Variants in NUP42 observed in about 807,000 individuals in gnomAD.
The protein encoded by NUP42 is nucleoporin NUP42.
NUP42 carries 47 observed loss-of-function variants against 35.9 expected under a neutral mutation model. The ratio of observed to expected loss-of-function variants is 1.31; its 90% CI spans 1.04 to 1.67. The LOEUF (loss-of-function observed/expected upper bound fraction) is 1.67, where lower values mean the gene tolerates loss of function less well. NUP42 is among the 40% of genes most tolerant of loss of function. NUP42 has a pLI of 0.00. For synonymous variants in NUP42, 173 were observed against 173.3 expected, an observed-to-expected ratio of 1.00 and a Z score of 0.01; for missense variants, 514 against 492.2, an observed-to-expected ratio of 1.04 and a Z score of -0.42.
In NUP42 at chr7:23,195,917, T is replaced by G. The variant is rs1785996672; in HGVS notation, c.522+2T>G. 1 of 1,561,320 alleles carries G rather than the reference T, an allele frequency of 6.4e-7. No homozygotes were observed. The highest frequency in any genetic ancestry group is 1.7e-4 in the Middle Eastern group (1 of 5,962). On this transcript the variant is annotated splice_donor_variant, in intron 4 of 6. Coordinates refer to ENST00000258742, the MANE Select transcript of NUP42 (RefSeq NM_007342.3). LOFTEE classifies it high-confidence loss of function. The stretch of plus-strand genomic sequence containing the variant: ...ACCAGCAATAACTTACAGAGTTATG[T>G]AAGTTTGTTTCCTATTAATCTACTG...
At chr7:23,182,742 C>CA (rs60397960) in intron 1 of NUP42, among the ~76,000 whole-genome samples, 8,257 of 74,082 alleles carry the variant, frequency 0.11, 620 homozygotes, top group African/African-American at 0.21. Context: ...CTAAAAATAC[C>CA]AAAAAAAAAA....
At position 23,185,077 on chromosome 7, in the gene NUP42, T is replaced by C; in HGVS notation, c.129T>C (p.Asn43=). 1 of 1,610,054 alleles carries C rather than the reference T, an allele frequency of 6.2e-7. No individual in the cohort carries two copies. The highest frequency in any genetic ancestry group is 8.5e-7 in the Non-Finnish European group (1 of 1,178,588). Reference sequence around the variant, plus strand: ...TTTTATTGTTTATTTTAGGTAATAATAGACGTGGATGGAATACAACTAGCC... The same window carrying C: ...TTTTATTGTTTATTTTAGGTAATAACAGACGTGGATGGAATACAACTAGCC... ...QQPQQQPSGN[N]RRGWNTTSQR... is the part of the protein sequence containing the mutation. The change falls in exon 2 of 7, where the codon AAT becomes AAC. Residue 43 remains asparagine (N), a synonymous_variant. Transcript: ENST00000258742.
chr7:23,188,080 A>G (rs1348723349), intron 3 of NUP42: 3 of 1,439,224 alleles, frequency 2.1e-6, no homozygotes, highest in Admixed American at 2.7e-5. Context: ...GGCTTTCCCA[A>G]GCCCACTCTG....
chr7:23,200,548 C>T lies in NUP42; in HGVS notation c.1075C>T (p.Pro359Ser). Reference protein sequence around the residue: ...GSHSHTAFSKPSSDTFGNSSI... With the variant: ...GSHSHTAFSKSSSDTFGNSSI... The stretch of plus-strand genomic sequence containing the variant: ...ACATTCTCACACTGCTTTTTCTAAG[C>T]CATCCAGTGACACTTTTGGAAATAG... The change falls in exon 7 of 7, where the codon CCA becomes TCA. Residue 359 changes from proline (P) to serine (S), a missense_variant. Physicochemically the swap from Pro to Ser is moderately conservative, Grantham distance 74. Transcript: ENST00000258742. The T allele has an allele frequency of 1.2e-6, 2 of 1,614,048 alleles. No individual in the cohort carries two copies. Among genetic ancestry groups the T allele is most frequent in the Non-Finnish European group, 1.7e-6 (2 of 1,179,976 alleles).
chr7:23,192,890 C>T (rs1291734474), intron 3 of NUP42, among the ~76,000 whole-genome samples: 1 of 152,224 alleles, frequency 6.6e-6, no homozygotes, highest in Non-Finnish European at 1.5e-5. Flanking sequence ...GTCTCACTGA[C>T]TTCAAGAATG....
chr7:23,196,849 C>A, intron 5 of NUP42, 83 bp downstream of exon 5: 3 of 943,560 alleles, frequency 3.2e-6, no homozygotes, highest in Non-Finnish European at 4.9e-6. Context: ...ATTTGGAAAG[C>A]AAAACAAAAA....
chr7:23,182,489 G>A (rs1785442352), intron 1 of NUP42: 5 of 1,198,102 alleles, frequency 4.2e-6, no homozygotes, highest in Non-Finnish European at 5.2e-6. Context: ...CTACCTTGTA[G>A]GTAAATGCCG....
chr7:23,182,547 G>A, intron 1 of NUP42: 1 of 1,029,510 alleles, frequency 9.7e-7, no homozygotes, highest in Admixed American at 4.8e-5. Context: ...GGTGAGGCTA[G>A]CAGCTTGGGT....
In NUP42 at chr7:23,200,298, C is replaced by T. The variant is rs1314308917; in HGVS notation, c.825C>T (p.Ala275=). Residue 275 remains alanine (A), a synonymous_variant, in exon 7 of 7, where the codon GCC becomes GCT. Transcript: ENST00000258742. ...FGSSPAFGAA[A]STSSGISTSA... ...GTTCCCCAGCATTTGGAGCTGCAGC[C>T]TCTACCAGTTCAGGTATCTCTACTT... is the stretch of plus-strand genomic sequence containing the variant. The T allele has an allele frequency of 1.2e-6, 2 of 1,603,096 alleles. No homozygotes were observed. The highest frequency in any genetic ancestry group is 1.3e-5 in the African/African-American group (1 of 74,916).
At chr7:23,187,727 C>T (rs1583761942) in intron 3 of NUP42, among the ~76,000 whole-genome samples, 1 of 151,492 alleles carries the variant, frequency 6.6e-6, no homozygotes, top group Non-Finnish European at 1.5e-5. Context: ...CTGCCTCAGC[C>T]TCCCGAGTAG....
At chr7:23,186,664 G>A (rs1046154536) in intron 2 of NUP42, among the ~76,000 whole-genome samples, 4 of 152,066 alleles carry the variant, frequency 2.6e-5, no homozygotes, top group Non-Finnish European at 5.9e-5. Flanking sequence ...ATTAAAGTTA[G>A]TATTTTAGAT....
chr7:23,183,044 G>A (rs993490155), intron 1 of NUP42, among the ~76,000 whole-genome samples: 2 of 152,118 alleles, frequency 1.3e-5, no homozygotes, highest in Admixed American at 6.5e-5. Flanking sequence ...AGGGCTATCC[G>A]GGAGGTGAGG....
At chr7:23,185,659 T>C (rs1785566758) in intron 2 of NUP42, among the ~76,000 whole-genome samples, 1 of 152,278 alleles carries the variant, frequency 6.6e-6, no homozygotes, top group African/African-American at 2.4e-5. Flanking sequence ...AAGTTCATTC[T>C]AACTTACAAG....
chr7:23,190,952 T>A (rs577405900), intron 3 of NUP42, among the ~76,000 whole-genome samples: 7 of 152,312 alleles, frequency 4.6e-5, no homozygotes, highest in Non-Finnish European at 7.4e-5. Flanking sequence ...GGAACAATAT[T>A]TCTTTAGATA....
At chr7:23,190,230 C>T (rs563903913) in intron 3 of NUP42, among the ~76,000 whole-genome samples, 36 of 152,284 alleles carry the variant, frequency 2.4e-4, no homozygotes, top group Middle Eastern at 6.8e-3. Flanking sequence ...TTTTCCAATA[C>T]GTGTCTGTGT....
chr7:23,198,007 G>A (rs977144120), intron 5 of NUP42, among the ~76,000 whole-genome samples: 16 of 151,902 alleles, frequency 1.1e-4, no homozygotes, highest in Admixed American at 5.2e-4. Flanking sequence ...CCAGCACTTC[G>A]GGAGGCTGAG....
intron 1 of NUP42, among the ~76,000 whole-genome samples, chr7:23,182,742 C>CAA (rs60397960): frequency 0.32 from 23,889 of 73,800 alleles, 3,827 homozygotes; most frequent in African/African-American, 0.41. Flanking sequence ...CTAAAAATAC[C>CAA]AAAAAAAAAA....
At chr7:23,193,867 A>G (rs889756910) in intron 3 of NUP42, among the ~76,000 whole-genome samples, 12 of 152,216 alleles carry the variant, frequency 7.9e-5, no homozygotes, top group African/African-American at 2.9e-4. Flanking sequence ...GCAGGTCCCG[A>G]GCCCTGCCCC....
chr7:23,186,054 T>C (rs575480242), intron 2 of NUP42, among the ~76,000 whole-genome samples: 6 of 152,374 alleles, frequency 3.9e-5, no homozygotes, highest in Admixed American at 2.6e-4. Flanking sequence ...ATCTTATTTC[T>C]TTCTAAAACT....
Sources: allele counts gnomAD v4.1 joint callset (sites outside exome capture counted in the v4.1 genomes callset), GRCh38; gene constraint gnomAD v4.1.1; transcripts MANE v1.5; gene names NCBI Gene and HGNC (gene_info 2026-07-23, HGNC 2026-07-21).